The following APP variants were observed in gnomAD, a reference collection of about 807,000 sequenced individuals.
APP encodes amyloid-beta precursor protein.
APP carries 31 observed loss-of-function variants against 101.4 expected under a neutral mutation model. The observed-to-expected ratio is 0.31, with a 90% CI of 0.23 to 0.41. The LOEUF (loss-of-function observed/expected upper bound fraction) is 0.41, where lower values mean the gene tolerates loss of function less well. Ranked by LOEUF, APP falls within the 10% of genes least tolerant of loss-of-function variation. The pLI, the probability that APP is intolerant of heterozygous loss-of-function variation, is 1.00. For missense variants in APP, 839 were observed against 1,003.7 expected, an observed-to-expected ratio of 0.84 and a Z score of 2.22; for synonymous variants, 366 against 364.4, an observed-to-expected ratio of 1.00 and a Z score of -0.05.
At chr21:25,982,945 A>AT (rs35246546) in intron 8 of APP, among the ~76,000 whole-genome samples, 152,338 of 152,338 alleles carry the variant, frequency 1, 76,169 homozygotes, top group Non-Finnish European at 1. Flanking sequence ...GAAAAGGTAA[A>AT]TGTATGATGT....
intron 3 of APP, among the ~76,000 whole-genome samples, chr21:26,061,336 C>G (rs151048278): frequency 5.5e-4 from 84 of 152,258 alleles, no homozygotes; most frequent in Non-Finnish European, 9.4e-4. Context: ...CTTGTATACA[C>G]TAGATATGTG....
chr21:26,155,204 T>C (rs2063350253), intron 1 of APP, among the ~76,000 whole-genome samples: 2 of 152,156 alleles, frequency 1.3e-5, no homozygotes, highest in Non-Finnish European at 2.9e-5. Flanking sequence ...TGAGCCAAGA[T>C]TGCAATGAGC....
chr21:26,080,575 T>C (rs535129787), intron 3 of APP, among the ~76,000 whole-genome samples: 1 of 151,912 alleles, frequency 6.6e-6, no homozygotes, highest in African/African-American at 2.4e-5. Flanking sequence ...AAGACCAGAC[T>C]GGCCAAGGTG....
At chr21:26,118,591 C>T (rs1277990549) in intron 1 of APP, among the ~76,000 whole-genome samples, 1 of 152,156 alleles carries the variant, frequency 6.6e-6, no homozygotes, top group South Asian at 2.1e-4. Context: ...CTTGCTCAGT[C>T]GCCCAGGCTG....
intron 3 of APP, among the ~76,000 whole-genome samples, chr21:26,084,058 T>C (rs1296044803): frequency 6.6e-6 from 1 of 151,978 alleles, no homozygotes; most frequent in African/African-American, 2.4e-5. Context: ...TTCCTTCTTT[T>C]CAAAATGCGA....
At chr21:26,116,639 A>G (rs1188498333) in intron 1 of APP, among the ~76,000 whole-genome samples, 4 of 152,148 alleles carry the variant, frequency 2.6e-5, no homozygotes, top group Non-Finnish European at 5.9e-5. Context: ...CTAGGAGGGA[A>G]AAGTGAACAA....
At chr21:26,131,800 T>A (rs1195548150) in intron 1 of APP, among the ~76,000 whole-genome samples, 1 of 152,156 alleles carries the variant, frequency 6.6e-6, no homozygotes, top group African/African-American at 2.4e-5. Context: ...ATGTCTTGAA[T>A]CTCAAATCTT....
At chr21:25,953,076 C>T (rs1186612481) in intron 13 of APP, among the ~76,000 whole-genome samples, 1 of 149,676 alleles carries the variant, frequency 6.7e-6, no homozygotes, top group African/African-American at 2.5e-5. Flanking sequence ...AAAAGCTTGG[C>T]ACACTATGAA....
At chr21:26,072,341 G>A (rs1001726410) in intron 3 of APP, among the ~76,000 whole-genome samples, 5 of 152,032 alleles carry the variant, frequency 3.3e-5, no homozygotes, top group African/African-American at 9.7e-5. Flanking sequence ...GTAGGTTTCC[G>A]GATTATTTCA....
chr21:26,087,212 C>G (rs931069546), intron 3 of APP, among the ~76,000 whole-genome samples: 1 of 152,126 alleles, frequency 6.6e-6, no homozygotes, highest in Admixed American at 6.5e-5. Context: ...AAAAGCAGCA[C>G]CTATATTCCT....
At chr21:26,039,577 A>T (rs2045281281) in intron 5 of APP, among the ~76,000 whole-genome samples, 1 of 152,230 alleles carries the variant, frequency 6.6e-6, no homozygotes, top group Non-Finnish European at 1.5e-5. Flanking sequence ...ACACATTCCT[A>T]AAACAATGAG....
At chr21:25,882,635 T>C (rs1014461764) in intron 17 of APP, among the ~76,000 whole-genome samples, 4 of 151,920 alleles carry the variant, frequency 2.6e-5, no homozygotes, top group African/African-American at 9.7e-5. Flanking sequence ...TGTTCTTGTT[T>C]TACTATATTT....
intron 6 of APP, among the ~76,000 whole-genome samples, chr21:26,018,832 CT>C (rs1033155926): frequency 5.9e-5 from 9 of 152,268 alleles, no homozygotes; most frequent in African/African-American, 1.7e-4. Context: ...AGGTTCATTT[CT>C]TTTTTGCCTT....
intron 3 of APP, among the ~76,000 whole-genome samples, chr21:26,057,313 A>G (rs2046080922): frequency 1.3e-5 from 2 of 152,234 alleles, no homozygotes; most frequent in Non-Finnish European, 2.9e-5. Context: ...TCATAATGAG[A>G]AATCATGTTC....
At chr21:26,092,850 C>T (rs953618936) in intron 2 of APP, among the ~76,000 whole-genome samples, 5 of 152,018 alleles carry the variant, frequency 3.3e-5, no homozygotes, top group Admixed American at 6.5e-5. Flanking sequence ...CTCTAAAAAA[C>T]CGTCTATTTT....
intron 16 of APP, among the ~76,000 whole-genome samples, chr21:25,895,446 G>A (rs1169506305): frequency 2.0e-5 from 3 of 152,160 alleles, no homozygotes; most frequent in Non-Finnish European, 4.4e-5. Flanking sequence ...TTACAGGCAT[G>A]AGCCACCGTG....
chr21:26,167,357 T>C (rs1346953963), intron 1 of APP, among the ~76,000 whole-genome samples: 2 of 152,234 alleles, frequency 1.3e-5, no homozygotes, highest in African/African-American at 4.8e-5. Context: ...GGTTTATCTT[T>C]ACATTTGTAA....
intron 14 of APP, among the ~76,000 whole-genome samples, chr21:25,911,166 T>C (rs2039050641): frequency 6.6e-6 from 1 of 152,232 alleles, no homozygotes; most frequent in African/African-American, 2.4e-5. Flanking sequence ...TTTGAAAAAG[T>C]CATAAACATA....
intron 14 of APP, 115 bp downstream of exon 14, chr21:25,911,626 C>CA (rs1471345382): frequency 5.9e-5 from 53 of 897,332 alleles, no homozygotes; most frequent in Non-Finnish European, 7.3e-5. Flanking sequence ...ATGACTACAT[C>CA]AAAAAAAATT....
Sources: gnomAD v4.1 joint callset for allele counts (sites outside exome capture counted in the v4.1 genomes callset) on GRCh38, gnomAD v4.1.1 for gene constraint, MANE v1.5 for transcripts, NCBI Gene and HGNC (gene_info 2026-07-23, HGNC 2026-07-21) for gene names.